Variants in PDE1A observed in about 807,000 individuals in gnomAD.
The protein encoded by PDE1A is phosphodiesterase 1A.
Under a neutral mutation model 61.7 loss-of-function variants are expected in PDE1A, and 35 were observed. That is an observed-to-expected ratio of 0.57 (90% confidence interval 0.43 to 0.75). The LOEUF is 0.75. Among genes scored for constraint, PDE1A ranks in the 30% least tolerant of loss-of-function variants. The pLI, the probability that PDE1A is intolerant of heterozygous loss-of-function variation, is 0.00. For missense variants in PDE1A, 597 were observed against 630.6 expected, an observed-to-expected ratio of 0.95 and a Z score of 0.57; for synonymous variants, 232 against 213.2, an observed-to-expected ratio of 1.09 and a Z score of -0.77.
intron 1 of PDE1A, among the ~76,000 whole-genome samples, chr2:182,385,500 T>C (rs946377236): frequency 6.6e-6 from 1 of 151,868 alleles, no homozygotes; most frequent in Non-Finnish European, 1.5e-5. Context: ...AAGAAAGTTA[T>C]TAGATTTTTT....
intron 7 of PDE1A, among the ~76,000 whole-genome samples, chr2:182,221,273 G>A (rs16822886): frequency 0.21 from 32,115 of 151,902 alleles, 3,602 homozygotes; most frequent in East Asian, 0.32. Flanking sequence ...TTTCAAAGTC[G>A]AAAGGGCAAC....
At chr2:182,218,491 TAGA>T (rs1227959694) in intron 7 of PDE1A, among the ~76,000 whole-genome samples, 1 of 152,156 alleles carries the variant, frequency 6.6e-6, no homozygotes, top group East Asian at 1.9e-4. Context: ...CATTGTACAA[TAGA>T]TCTCTTGAAC....
At chr2:182,417,961 A>G (rs561600048) in intron 1 of PDE1A, among the ~76,000 whole-genome samples, 3 of 152,208 alleles carry the variant, frequency 2.0e-5, no homozygotes, top group Admixed American at 6.6e-5. Context: ...TATTACAAAA[A>G]TATTTACCTA....
chr2:182,617,158 T>C, the PDE1A span, among the ~76,000 whole-genome samples: 20,271 of 152,150 alleles, frequency 0.13, 1,538 homozygotes, highest in Middle Eastern at 0.22. Flanking sequence ...CAACGTGATT[T>C]ATGGTTGGGG....
chr2:182,672,796 G>A, the PDE1A span, among the ~76,000 whole-genome samples: 1 of 152,148 alleles, frequency 6.6e-6, no homozygotes, highest in Admixed American at 6.6e-5. Flanking sequence ...CTTTGGTTGG[G>A]CTAAACTTAC....
At chr2:182,197,154 T>C (rs748146513) in intron 10 of PDE1A, among the ~76,000 whole-genome samples, 13 of 151,910 alleles carry the variant, frequency 8.6e-5, no homozygotes, top group Non-Finnish European at 1.3e-4. Flanking sequence ...TATGGTTTAA[T>C]TTATAATTCT....
chr2:182,458,352 C>A (rs1686055671), intron 2 of PDE1A, among the ~76,000 whole-genome samples: 1 of 152,022 alleles, frequency 6.6e-6, no homozygotes, highest in African/African-American at 2.4e-5. Flanking sequence ...TTGTCTGTGG[C>A]AGGCACTGCC....
chr2:182,695,583 C>T, the PDE1A span, among the ~76,000 whole-genome samples: 5 of 146,180 alleles, frequency 3.4e-5, no homozygotes, highest in East Asian at 2.0e-4. Flanking sequence ...AGGAGAATGG[C>T]GTGAACCCGG....
chr2:182,593,735 A>G, the PDE1A span, among the ~76,000 whole-genome samples: 2 of 152,340 alleles, frequency 1.3e-5, no homozygotes, highest in East Asian at 1.9e-4. Flanking sequence ...CACTGGGACC[A>G]TGTCTTACAG....
intron 1 of PDE1A, among the ~76,000 whole-genome samples, chr2:182,289,837 G>A (rs73977329): frequency 0.025 from 3,729 of 152,026 alleles, 152 homozygotes; most frequent in African/African-American, 0.084. Context: ...TAAAATCAGT[G>A]ATGATTTTCA....
chr2:182,524,021 C>A (rs1397611441), upstream of PDE1A, among the ~76,000 whole-genome samples: 3 of 152,062 alleles, frequency 2.0e-5, no homozygotes, highest in Admixed American at 1.3e-4. Context: ...TTCCAGAATT[C>A]AATCTGAATG....
At chr2:182,547,199 AT>A in the PDE1A span, among the ~76,000 whole-genome samples, 1 of 152,228 alleles carries the variant, frequency 6.6e-6, no homozygotes, top group African/African-American at 2.4e-5. Context: ...AAAAAGAGGC[AT>A]TTGCACATCC....
intron 2 of PDE1A, among the ~76,000 whole-genome samples, chr2:182,494,912 C>A (rs1688618385): frequency 6.6e-6 from 1 of 152,144 alleles, no homozygotes; most frequent in African/African-American, 2.4e-5. Context: ...CTTCTCCCAA[C>A]AGAATTCTTG....
At chr2:182,205,301 C>T (rs1687004890) in intron 8 of PDE1A, among the ~76,000 whole-genome samples, 2 of 152,028 alleles carry the variant, frequency 1.3e-5, no homozygotes, top group African/African-American at 4.8e-5. Flanking sequence ...AGTCCAGCAA[C>T]CCTATTGTCA....
chr2:182,629,519 ACTGGG>A, the PDE1A span, among the ~76,000 whole-genome samples: 3 of 152,172 alleles, frequency 2.0e-5, no homozygotes, highest in Admixed American at 1.3e-4. Context: ...ATGTTTCAAA[ACTGGG>A]CTATTACACA....
At chr2:182,564,321 T>G in the PDE1A span, among the ~76,000 whole-genome samples, 1 of 152,120 alleles carries the variant, frequency 6.6e-6, no homozygotes, top group Non-Finnish European at 1.5e-5. Flanking sequence ...TGAAGCTTAG[T>G]TTGGCTGGAT....
At chr2:182,491,720 T>C (rs1197065957) in intron 2 of PDE1A, among the ~76,000 whole-genome samples, 1 of 152,080 alleles carries the variant, frequency 6.6e-6, no homozygotes, top group African/African-American at 2.4e-5. Flanking sequence ...GAATGTTATT[T>C]TTCCCAAACA....
At chr2:182,469,658 G>C (rs1050839398) in intron 2 of PDE1A, among the ~76,000 whole-genome samples, 19 of 151,880 alleles carry the variant, frequency 1.3e-4, no homozygotes, top group African/African-American at 4.3e-4. Context: ...ACTCTTTGGT[G>C]CAAGAGGCCA....
At chr2:182,312,046 GTTATCTTTT>G (rs1696013473) in intron 1 of PDE1A, among the ~76,000 whole-genome samples, 1 of 152,094 alleles carries the variant, frequency 6.6e-6, no homozygotes, top group Admixed American at 6.6e-5. Context: ...GATGCTATGA[GTTATCTTTT>G]CATGTGCTTA....
Sources: allele counts gnomAD v4.1 joint callset (sites outside exome capture counted in the v4.1 genomes callset), GRCh38; gene constraint gnomAD v4.1.1; transcripts MANE v1.5; gene names NCBI Gene and HGNC (gene_info 2026-07-23, HGNC 2026-07-21).